ACAT1: variants seen among roughly 807,000 people sequenced by gnomAD.
ACAT1 encodes the protein acetyl-CoA acetyltransferase 1.
In ACAT1, 28 loss-of-function variants were observed where a neutral mutation model predicts 47.3. The ratio of observed to expected loss-of-function variants is 0.59; its 90% CI spans 0.44 to 0.81. The LOEUF is 0.81. ACAT1 is among the 30% of genes least tolerant of loss of function. ACAT1 has a pLI of 0.00. For missense variants in ACAT1, 469 were observed against 524.3 expected, an observed-to-expected ratio of 0.89 and a Z score of 1.03; for synonymous variants, 181 against 173.6, an observed-to-expected ratio of 1.04 and a Z score of -0.34.
chr11:108,146,646 G>A (rs2134793634), intron 11 of ACAT1, among the ~76,000 whole-genome samples: 1 of 152,230 alleles, frequency 6.6e-6, no homozygotes, highest in East Asian at 1.9e-4. Context: ...GGGTACCGTG[G>A]GTTTTGGTTA....
At chr11:108,126,776 C>CAACA (rs1448367467) in intron 1 of ACAT1, among the ~76,000 whole-genome samples, 29 of 148,452 alleles carry the variant, frequency 2.0e-4, no homozygotes, top group African/African-American at 5.4e-4. Context: ...AGAATACCGG[C>CAACA]AACAAACAGG....
At chr11:108,123,752 C>G (rs571679919) in intron 1 of ACAT1, among the ~76,000 whole-genome samples, 1 of 152,230 alleles carries the variant, frequency 6.6e-6, no homozygotes, top group Admixed American at 6.5e-5. Context: ...GTTGGCCAGG[C>G]TGGTCTTGAA....
chr11:108,142,452 C>T lies in ACAT1; in HGVS notation c.842C>T (p.Ala281Val), dbSNP rs765012030. ...FQKENGTVTAANASTLNDGAA... is the reference protein window; with the variant it reads ...FQKENGTVTAVNASTLNDGAA... ...TTGCTTTCAGGCACAGTAACAGCTGCCAATGCCAGTACACTGAATGATGGA... is the reference window on the plus strand; with the variant it reads ...TTGCTTTCAGGCACAGTAACAGCTGTCAATGCCAGTACACTGAATGATGGA... Residue 281 changes from alanine to valine, a missense_variant, in exon 9 of 12, where the codon GCC becomes GTC. By Grantham distance (64) the Ala-to-Val change is moderately conservative (BLOSUM62 0). Transcript: ENST00000265838. The T allele has an allele frequency of 1.2e-6, 2 of 1,614,060 alleles. No homozygotes were observed. The highest frequency in any genetic ancestry group is 1.7e-6 in the Non-Finnish European group (2 of 1,179,952).
In ACAT1 at chr11:108,142,353, C is replaced by T. The variant is rs946746473; in HGVS notation, c.827-84C>T. On this transcript the variant is annotated intron_variant, in intron 8 of 11. Transcript: ENST00000265838. ...GTAATTTCTTTAAACATTTAGCAGC[C>T]CAGGCAATAGGTATTTGTTGAATTG... The T allele has an allele frequency of 2.6e-5, 27 of 1,035,876 alleles. 1 individual carries two copies. Among genetic ancestry groups the T allele is most frequent in the Non-Finnish European group, 3.6e-5 (24 of 675,512 alleles). 64.2% of individuals were successfully genotyped at this position (1,035,876 alleles called of 1,614,324 possible).
chr11:108,145,706 G>A (rs1193546648), intron 10 of ACAT1, among the ~76,000 whole-genome samples: 1 of 152,002 alleles, frequency 6.6e-6, no homozygotes, highest in Non-Finnish European at 1.5e-5. Context: ...CAGACATAAT[G>A]CAAACAAAAT....
intron 10 of ACAT1, 139 bp downstream of exon 10, chr11:108,144,186 C>T (rs2077652200): frequency 8.7e-6 from 8 of 923,990 alleles, no homozygotes; most frequent in South Asian, 1.4e-5. Flanking sequence ...ATGTCTTCTC[C>T]TGAAAAGAGT....
At chr11:108,134,735 G>A (rs1167292309) in intron 4 of ACAT1, among the ~76,000 whole-genome samples, 1 of 149,046 alleles carries the variant, frequency 6.7e-6, no homozygotes, top group Non-Finnish European at 1.5e-5. Flanking sequence ...CACGAGGTCA[G>A]GAGATTGAGA....
At chr11:108,125,759 C>G (rs553785160) in intron 1 of ACAT1, among the ~76,000 whole-genome samples, 1 of 151,910 alleles carries the variant, frequency 6.6e-6, no homozygotes, top group Non-Finnish European at 1.5e-5. Context: ...AACCCTGTCT[C>G]TATAAAAATG....
At chr11:108,140,536 C>CTA (rs2077564915) in intron 7 of ACAT1, among the ~76,000 whole-genome samples, 1 of 152,204 alleles carries the variant, frequency 6.6e-6, no homozygotes, top group South Asian at 2.1e-4. Flanking sequence ...GAAGGATGAA[C>CTA]AGTAGCAACC....
At position 108,147,540 on chromosome 11, in the gene ACAT1, C is replaced by T; in HGVS notation, c.*150C>T. On this transcript the variant is annotated 3_prime_UTR_variant, in exon 12 of 12. Transcript: ENST00000265838. ...CTTTTAAAAATCAAAATGATGAAAT[C>T]CCAAAACATTTTGAAATTAAAAATA... The T allele has an allele frequency of 9.5e-7, 1 of 1,050,702 alleles. No individual in the cohort carries two copies. Among genetic ancestry groups the T allele is most frequent in the Non-Finnish European group, 1.4e-6 (1 of 732,796 alleles). 65.1% of individuals were successfully genotyped at this position (1,050,702 alleles called of 1,614,324 possible).
At chr11:108,132,960 G>C (rs2077393266) in intron 2 of ACAT1, among the ~76,000 whole-genome samples, 1 of 151,776 alleles carries the variant, frequency 6.6e-6, no homozygotes. Context: ...CAAAGTGCGT[G>C]GATCACCTGA....
Position 108,142,512 on chromosome 11 carries a change from C to T in ACAT1, c.902C>T (p.Ala301Val), listed in dbSNP as rs747860630. Reference protein sequence around the residue: ...AALVLMTADAAKRLNVTPLAR... With the variant: ...AALVLMTADAVKRLNVTPLAR... ...CTGGTTCTCATGACGGCAGATGCAG[C>T]GAAGAGGCTCAATGTTACACCACTG... The change falls in exon 9 of 12, where the codon GCG becomes GTG. Residue 301 changes from alanine to valine, a missense_variant. By Grantham distance (64) the Ala-to-Val change is moderately conservative. Coordinates refer to ENST00000265838, the MANE Select transcript of ACAT1 (RefSeq NM_000019.4). 1.7e-5 allele frequency: 27 copies of T among 1,613,942 alleles called. No homozygotes were observed. Among genetic ancestry groups the T allele is most frequent in the East Asian group, 4.5e-5 (2 of 44,886 alleles).
chr11:108,121,925 T>C, intron 1 of ACAT1: 1 of 567,180 alleles, frequency 1.8e-6, no homozygotes, highest in Middle Eastern at 4.8e-4. Context: ...TGAGCGTTAC[T>C]GGTGTGTCAA....
intron 4 of ACAT1, 110 bp downstream of exon 4, chr11:108,134,426 C>G: frequency 1.3e-6 from 1 of 784,316 alleles, no homozygotes; most frequent in Non-Finnish European, 2.2e-6. Flanking sequence ...AGGCGGATCA[C>G]GAGGTCAAGA....
chr11:108,142,485 C>T lies in ACAT1; in HGVS notation c.875C>T (p.Ala292Val). The change falls in exon 9 of 12, where the codon GCT (alanine) becomes GTT (valine). Residue 292 changes from alanine to valine, a missense_variant. Coordinates refer to ENST00000265838, the MANE Select transcript of ACAT1 (RefSeq NM_000019.4). ...NASTLNDGAA[A>V]LVLMTADAAK... is the part of the protein sequence containing the mutation. ...AGTACACTGAATGATGGAGCAGCTG[C>T]TCTGGTTCTCATGACGGCAGATGCA... 1 of 1,614,196 alleles carries T rather than the reference C, an allele frequency of 6.2e-7. No individual in the cohort carries two copies. The highest frequency in any genetic ancestry group is 8.5e-7 in the Non-Finnish European group (1 of 1,180,042).
chr11:108,143,892 T>C (rs1027058675), intron 9 of ACAT1, 91 bp from the exon 10 acceptor site: 2 of 1,432,390 alleles, frequency 1.4e-6, no homozygotes, highest in Non-Finnish European at 9.7e-7. Flanking sequence ...CTAGGAAATG[T>C]GCATTTAATG....
At chr11:108,140,855 C>G (rs994847252) in intron 7 of ACAT1, among the ~76,000 whole-genome samples, 1 of 152,044 alleles carries the variant, frequency 6.6e-6, no homozygotes, top group African/African-American at 2.4e-5. Context: ...AGACAGCTGC[C>G]TCTGGGGTCA....
intron 5 of ACAT1, chr11:108,136,152 C>G (rs1441306849): frequency 3.1e-6 from 2 of 637,574 alleles, no homozygotes; most frequent in Non-Finnish European, 5.5e-6. Flanking sequence ...AATCAAGATT[C>G]TCTCAGATCT....
At chr11:108,121,418 G>A (rs189751037), upstream of ACAT1, 1,094 of 666,548 alleles carry the variant, frequency 1.6e-3, 3 homozygotes, top group South Asian at 2.2e-3. Flanking sequence ...ACCTTTCCTG[G>A]CCCAGGCTGC....
Sources: gnomAD v4.1 joint callset for allele counts (sites outside exome capture counted in the v4.1 genomes callset) on GRCh38, gnomAD v4.1.1 for gene constraint, MANE v1.5 for transcripts, NCBI Gene and HGNC (gene_info 2026-07-23, HGNC 2026-07-21) for gene names.